Variants in ITIH1 observed in about 807,000 individuals in gnomAD.
ITIH1 encodes the protein inter-alpha-trypsin inhibitor heavy chain 1, also known as inter-alpha-trypsin inhibitor heavy chain H1.
A neutral mutation model predicts 104.6 loss-of-function variants in ITIH1; 94 were observed. The observed-to-expected ratio is 0.90, with a 90% CI of 0.76 to 1.07. ITIH1 has a LOEUF of 1.07. ITIH1 is among the 50% of genes least tolerant of loss of function. ITIH1 has a pLI of 0.00. For synonymous variants in ITIH1, 455 were observed against 464.4 expected, an observed-to-expected ratio of 0.98 and a Z score of 0.26; for missense variants, 1,193 against 1,181.4, an observed-to-expected ratio of 1.01 and a Z score of -0.14.
chr3:52,786,142 C>T (rs1018116638), intron 12 of ITIH1, among the ~76,000 whole-genome samples, 153 bp from the exon 13 acceptor site: 7 of 152,160 alleles, frequency 4.6e-5, no homozygotes, highest in African/African-American at 7.2e-5. Flanking sequence ...CAAGAATCAA[C>T]GAATAGGATG....
At chr3:52,783,750 T>C (rs940890493) in intron 10 of ITIH1, among the ~76,000 whole-genome samples, 1 of 151,028 alleles carries the variant, frequency 6.6e-6, no homozygotes, top group Non-Finnish European at 1.5e-5. Flanking sequence ...GATCCAGGAG[T>C]AGATACTGAG....
chr3:52,787,705 C>A, intron 16 of ITIH1, 93 bp downstream of exon 16: 1 of 1,382,734 alleles, frequency 7.2e-7, no homozygotes, highest in Non-Finnish European at 1.0e-6. Context: ...GTCTTCACTG[C>A]TTGTCACTGG....
intron 8 of ITIH1, among the ~76,000 whole-genome samples, chr3:52,782,717 C>T (rs1460466675): frequency 6.6e-6 from 1 of 152,100 alleles, no homozygotes; most frequent in African/African-American, 2.4e-5. Context: ...TTCTCTTAAT[C>T]CTGCCCCTCC....
chr3:52,786,097 G>A (rs563346734), intron 12 of ITIH1, among the ~76,000 whole-genome samples, 198 bp from the exon 13 acceptor site: 12 of 152,284 alleles, frequency 7.9e-5, no homozygotes, highest in African/African-American at 2.9e-4. Context: ...GATCCCTAGG[G>A]TCCAGGCCAA....
At chr3:52,789,406 G>A (rs1011531297) in intron 18 of ITIH1, among the ~76,000 whole-genome samples, 3 of 152,124 alleles carry the variant, frequency 2.0e-5, no homozygotes, top group Admixed American at 6.5e-5. Flanking sequence ...TCTCGGGGAG[G>A]CACGACCTCC....
At chr3:52,785,883 G>A (rs1004737575) in intron 12 of ITIH1, among the ~76,000 whole-genome samples, 4 of 152,252 alleles carry the variant, frequency 2.6e-5, no homozygotes, top group Non-Finnish European at 5.9e-5. Flanking sequence ...AGCAGCTGGT[G>A]CATAGGATGC....
intron 6 of ITIH1, among the ~76,000 whole-genome samples, chr3:52,781,550 C>A (rs1699060206): frequency 6.6e-6 from 1 of 152,110 alleles, no homozygotes; most frequent in Non-Finnish European, 1.5e-5. Context: ...CCATTCTGCA[C>A]CCTTCCTTCC....
chr3:52,788,639 C>A (rs889711369), intron 18 of ITIH1, among the ~76,000 whole-genome samples: 1 of 151,394 alleles, frequency 6.6e-6, no homozygotes, highest in Non-Finnish European at 1.5e-5. Flanking sequence ...CAGCTCACTG[C>A]AACCTCTGCC....
At position 52,781,977 on chromosome 3, in the gene ITIH1, A is replaced by T. The variant is rs758842033; in HGVS notation, c.725A>T (p.Gln242Leu). 20 of 1,614,040 alleles carry T rather than the reference A, an allele frequency of 1.2e-5. No individual in the cohort carries two copies. The highest frequency in any genetic ancestry group is 1.5e-5 in the Non-Finnish European group (18 of 1,180,046). ...VLFRPTVSQQ[Q>L]SCPTCSTSLL... Reference sequence around the variant, plus strand: ...TTCCGTCCCACCGTGAGCCAGCAGCAGTCCTGCCCCACATGCTCTACATCC... The same window carrying T: ...TTCCGTCCCACCGTGAGCCAGCAGCTGTCCTGCCCCACATGCTCTACATCC... The change falls in exon 7 of 22, where the codon CAG (glutamine) becomes CTG (leucine). Residue 242 changes from glutamine to leucine, a missense_variant. By Grantham distance (113) the Gln-to-Leu change is moderately radical. Transcript: ENST00000273283.
At chr3:52,783,659 G>A (rs3774354) in intron 10 of ITIH1, among the ~76,000 whole-genome samples, 48,228 of 152,016 alleles carry the variant, frequency 0.32, 8,572 homozygotes, top group Admixed American at 0.45. Context: ...TGTATGCTAA[G>A]CAAGGGGCTA....
chr3:52,787,097 A>G lies in ITIH1; in HGVS notation c.1886A>G (p.Glu629Gly), dbSNP rs772962054. 1.9e-6 allele frequency: 3 copies of G among 1,614,194 alleles called. No individual in the cohort carries two copies. The Admixed American group carries it at 5.0e-5, about 27-fold the overall frequency. ...GLKPTIDKPSEDSPPLEMLGP... is the reference protein window; with the variant it reads ...GLKPTIDKPSGDSPPLEMLGP... The stretch of plus-strand genomic sequence containing the variant: ...AAGCCCACCATCGACAAGCCCTCAG[A>G]GGGTATAGGCTGCAGGGGTCTACAG... The change falls in exon 14 of 22, where the codon GAG (glutamate) becomes GGG (glycine). Residue 629 changes from glutamate to glycine, a missense_variant and splice_region_variant. Glu to Gly is a moderately conservative substitution (Grantham distance 98, BLOSUM62 -2). Transcript: ENST00000273283.
In ITIH1 at chr3:52,779,604, A is replaced by T; in HGVS notation, c.573+10A>T. ...GGTGCATCATTTTGAGGTAGATCAC[A>T]GGTCCCGGGGCAGGGGTCCTGCCCC... On this transcript the variant is annotated intron_variant, in intron 5 of 21. Coordinates refer to ENST00000273283, the MANE Select transcript of ITIH1 (RefSeq NM_002215.4). This position sits in a 1 kb window ranked among gnomAD's most constrained non-coding sequence, Gnocchi z 4.4. 6.2e-7 allele frequency: 1 copy of T among 1,614,076 alleles called. No individual in the cohort carries two copies. Among genetic ancestry groups the T allele is most frequent in the Non-Finnish European group, 8.5e-7 (1 of 1,179,966 alleles).
At chr3:52,781,837 A>G (rs1699065828) in intron 6 of ITIH1, 103 bp from the exon 7 acceptor site, 8 of 1,442,776 alleles carry the variant, frequency 5.5e-6, no homozygotes, top group Non-Finnish European at 7.6e-6. Context: ...CTGTCCGTGC[A>G]AACACACACA....
rs374507501 is a variant in ITIH1 at position 52,778,440 on chromosome 3, A to G, written c.239A>G (p.Asn80Ser). The change falls in exon 3 of 22, where the codon AAT becomes AGT. Residue 80 changes from asparagine to serine, a missense_variant. Physicochemically the swap from Asn to Ser is conservative, Grantham distance 46. Transcript: ENST00000273283. ...VVTSQVVNTA[N>S]EAREVAFDLE... ...ACCAGCCAAGTGGTCAACACTGCCAATGAAGCCAGGGAAGTGGCCTTCGAC... is the reference window on the plus strand; with the variant it reads ...ACCAGCCAAGTGGTCAACACTGCCAGTGAAGCCAGGGAAGTGGCCTTCGAC... The G allele has an allele frequency of 1.5e-5, 25 of 1,614,200 alleles. No individual in the cohort carries two copies. Among genetic ancestry groups the G allele is most frequent in the Admixed American group, 1.0e-4 (6 of 60,030 alleles).
Position 52,780,332 on chromosome 3 carries a change from C to T in ITIH1, c.637C>T (p.Pro213Ser). The change falls in exon 6 of 22, where the codon CCG (proline) becomes TCG (serine). Residue 213 changes from proline to serine, a missense_variant. By Grantham distance (74) the Pro-to-Ser change is moderately conservative. Coordinates refer to ENST00000273283, the MANE Select transcript of ITIH1 (RefSeq NM_002215.4). ...SKLDAQASFL[P>S]KELAAQTIKK... ...GCTGGATGCCCAGGCCTCTTTCCTG[C>T]CGAAGGAACTGGCAGCCCAAACTAT... is the stretch of plus-strand genomic sequence containing the variant. 1 of 1,614,016 alleles carries T rather than the reference C, an allele frequency of 6.2e-7. No homozygotes were observed. The highest frequency in any genetic ancestry group is 8.5e-7 in the Non-Finnish European group (1 of 1,179,952).
intron 11 of ITIH1, 69 bp downstream of exon 11, chr3:52,784,546 C>A: frequency 6.7e-7 from 1 of 1,484,874 alleles, no homozygotes; most frequent in Non-Finnish European, 9.3e-7. Context: ...TGGCCGTTTG[C>A]CCATCAGCCT....
Position 52,790,802 on chromosome 3 carries a change from G to A in ITIH1, c.2375G>A (p.Gly792Asp). The stretch of plus-strand genomic sequence containing the variant: ...AACCTGGTGGTGTCTGTGGACGACG[G>A]TGGCACCTTTGAGGTTGTTTTGCAC... ...KRNLVVSVDDGGTFEVVLHRV... is the reference protein window; with the variant it reads ...KRNLVVSVDDDGTFEVVLHRV... Residue 792 changes from glycine to aspartate, a missense_variant, in exon 20 of 22, where the codon GGT (glycine) becomes GAT (aspartate). By Grantham distance (94) the Gly-to-Asp change is moderately conservative. Transcript: ENST00000273283. 1 of 1,613,106 alleles carries A rather than the reference G, an allele frequency of 6.2e-7. No homozygotes were observed. The highest frequency in any genetic ancestry group is 8.5e-7 in the Non-Finnish European group (1 of 1,179,622).
At chr3:52,781,194 CTTCTTT>C (rs1699023798) in intron 6 of ITIH1, among the ~76,000 whole-genome samples, 2 of 93,344 alleles carry the variant, frequency 2.1e-5, no homozygotes, top group Non-Finnish European at 4.1e-5. Context: ...ACCTCCTCCT[CTTCTTT>C]TTTTTTTTTT....
chr3:52,782,503 T>C (rs1699088563), intron 8 of ITIH1, among the ~76,000 whole-genome samples: 1 of 152,126 alleles, frequency 6.6e-6, no homozygotes, highest in South Asian at 2.1e-4. Context: ...GGAATGACAA[T>C]GGTGTCTGCA....
Sources: allele counts gnomAD v4.1 joint callset (sites outside exome capture counted in the v4.1 genomes callset), GRCh38; gene constraint gnomAD v4.1.1; non-coding constraint Gnocchi (gnomAD v3.1); transcripts MANE v1.5; gene names NCBI Gene and HGNC (gene_info 2026-07-23, HGNC 2026-07-21).